POC1B: variants seen among roughly 807,000 people sequenced by gnomAD.
The protein encoded by POC1B is POC1 centriolar protein B.
POC1B carries 44 observed loss-of-function variants against 60.6 expected under a neutral mutation model. That is an observed-to-expected ratio of 0.73 (90% CI 0.57 to 0.93). POC1B has a LOEUF of 0.93. Ranked by LOEUF, POC1B falls within the 40% of genes least tolerant of loss-of-function variation. The probability of loss-of-function intolerance (pLI) is 0.00; values close to 1 mark genes in which losing one functional copy is unlikely to be tolerated. For synonymous variants in POC1B, 180 were observed against 198.9 expected (o/e 0.90, Z 0.80); for missense variants, 555 against 572.3 (o/e 0.97, Z 0.31).
chr12:89,503,450 G>A (rs1179382713), intron 2 of POC1B, among the ~76,000 whole-genome samples: 1 of 152,224 alleles, frequency 6.6e-6, no homozygotes, highest in Non-Finnish European at 1.5e-5. Flanking sequence ...GCAGTGGCAT[G>A]ATCTCAGCTA....
At chr12:89,479,467 C>T (rs1017229952) in intron 4 of POC1B, among the ~76,000 whole-genome samples, 4 of 152,146 alleles carry the variant, frequency 2.6e-5, no homozygotes, top group Non-Finnish European at 4.4e-5. Flanking sequence ...AGATGCCTGA[C>T]ATATTTTGCA....
chr12:89,411,770 C>T, the POC1B span, among the ~76,000 whole-genome samples: 6 of 152,276 alleles, frequency 3.9e-5, no homozygotes, highest in South Asian at 2.1e-4. Context: ...TTGCTGAAAG[C>T]GGTGAAGAAG....
chr12:89,423,390 G>A (rs868182315), intron 11 of POC1B, among the ~76,000 whole-genome samples: 3 of 152,150 alleles, frequency 2.0e-5, no homozygotes, highest in South Asian at 2.1e-4. Context: ...CTTCTGCCTC[G>A]GCTGCCCAAA....
intron 2 of POC1B, chr12:89,502,230 TG>T: frequency 8.0e-7 from 1 of 1,248,644 alleles, no homozygotes; most frequent in Non-Finnish European, 1.2e-6. Flanking sequence ...AGGAAGTTCC[TG>T]GAAGTTCAGA....
chr12:89,451,732 A>T (rs184697196), intron 10 of POC1B, among the ~76,000 whole-genome samples: 1 of 152,348 alleles, frequency 6.6e-6, no homozygotes, highest in East Asian at 1.9e-4. Flanking sequence ...AATATGTGTT[A>T]GCAGACTTGC....
chr12:89,449,100 G>C (rs2120758825), intron 10 of POC1B, among the ~76,000 whole-genome samples: 1 of 152,302 alleles, frequency 6.6e-6, no homozygotes, highest in East Asian at 1.9e-4. Context: ...AGGATTCAAA[G>C]TGGCAAGGCA....
intron 10 of POC1B, among the ~76,000 whole-genome samples, chr12:89,457,615 GT>G (rs1220671110): frequency 6.6e-6 from 1 of 152,114 alleles, no homozygotes; most frequent in Non-Finnish European, 1.5e-5. Flanking sequence ...TGTTTTGTTT[GT>G]TTGTTTGTTT....
chr12:89,438,397 C>T (rs528196658), intron 10 of POC1B, among the ~76,000 whole-genome samples: 1 of 152,348 alleles, frequency 6.6e-6, no homozygotes, highest in East Asian at 1.9e-4. Flanking sequence ...GCGGAGCTTG[C>T]AGTGAGCCGT....
At position 89,477,797 on chromosome 12, in the gene POC1B, T is replaced by A. The variant is rs189532124; in HGVS notation, c.453-5522A>T. Among the ~76,000 whole-genome samples the A allele has an allele frequency of 2.6e-5, 4 of 152,258 alleles. No homozygotes were observed. The East Asian group carries it at 7.7e-4, about 29-fold the overall frequency. Reference sequence around the variant, plus strand: ...GTTTCACGTTTCCTTTGGGGAGAAGTGTGACATGCTCATAGCTCTCTAGGA... The same window carrying A: ...GTTTCACGTTTCCTTTGGGGAGAAGAGTGACATGCTCATAGCTCTCTAGGA... On this transcript the variant is annotated intron_variant, in intron 4 of 11. Transcript: ENST00000313546.
intron 11 of POC1B, among the ~76,000 whole-genome samples, chr12:89,422,198 T>G (rs1477689203): frequency 2.6e-5 from 4 of 152,166 alleles, no homozygotes; most frequent in Non-Finnish European, 5.9e-5. Context: ...CAGAGGAGCC[T>G]TCCACGTGCC....
intron 2 of POC1B, among the ~76,000 whole-genome samples, chr12:89,511,014 C>A (rs1417624622): frequency 6.6e-6 from 1 of 151,976 alleles, no homozygotes; most frequent in Admixed American, 6.6e-5. Flanking sequence ...TTCGGCCCCC[C>A]AAAGTGCTGG....
At chr12:89,501,625 C>T (rs556130057) in intron 2 of POC1B, 5 of 1,289,950 alleles carry the variant, frequency 3.9e-6, no homozygotes, top group Admixed American at 4.3e-5. Flanking sequence ...CAAGAACAAA[C>T]TTGTGTCTGA....
intron 4 of POC1B, among the ~76,000 whole-genome samples, chr12:89,475,975 C>T (rs948667662): frequency 1.5e-5 from 2 of 133,228 alleles, no homozygotes; most frequent in Non-Finnish European, 3.1e-5. Context: ...GGTGCAATCT[C>T]GGCTTATTTC....
intron 4 of POC1B, among the ~76,000 whole-genome samples, chr12:89,491,660 A>G (rs950018932): frequency 1.3e-5 from 2 of 151,160 alleles, no homozygotes; most frequent in Non-Finnish European, 3.0e-5. Context: ...AAGAAAAAAA[A>G]ATTACGCGCC....
At chr12:89,446,179 T>G (rs1303153882) in intron 10 of POC1B, among the ~76,000 whole-genome samples, 2 of 152,182 alleles carry the variant, frequency 1.3e-5, no homozygotes, top group Non-Finnish European at 2.9e-5. Flanking sequence ...GTTCAACCAT[T>G]GTGGAAGACA....
At chr12:89,447,110 C>G (rs1881822167) in intron 10 of POC1B, among the ~76,000 whole-genome samples, 1 of 152,072 alleles carries the variant, frequency 6.6e-6, no homozygotes, top group Non-Finnish European at 1.5e-5. Context: ...AACTGCTGCT[C>G]TCTAAATCAA....
intron 1 of POC1B, 175 bp downstream of exon 1, chr12:89,525,706 G>A (rs966559839): frequency 2.9e-5 from 36 of 1,256,852 alleles, no homozygotes; most frequent in Non-Finnish European, 3.4e-5. Context: ...TCCGCACTCC[G>A]TCCGCCCCGA....
intron 10 of POC1B, among the ~76,000 whole-genome samples, chr12:89,433,745 G>C (rs1301264231): frequency 6.6e-6 from 1 of 152,210 alleles, no homozygotes; most frequent in Non-Finnish European, 1.5e-5. Context: ...AAAGGACTCG[G>C]ATAGTCACAG....
chr12:89,402,343 A>G, the POC1B span, among the ~76,000 whole-genome samples: 46 of 18,982 alleles, frequency 2.4e-3, no homozygotes, highest in South Asian at 0.17. Context: ...ACAAATACAC[A>G]CACACACACA....
Sources: allele counts gnomAD v4.1 joint callset (sites outside exome capture counted in the v4.1 genomes callset), GRCh38; gene constraint gnomAD v4.1.1; transcripts MANE v1.5; gene names NCBI Gene and HGNC (gene_info 2026-07-23, HGNC 2026-07-21).